The following KIAA1217 variants were observed in gnomAD, a reference collection of about 807,000 sequenced individuals.
KIAA1217 encodes KIAA1217.
KIAA1217 carries 88 observed loss-of-function variants against 163.9 expected under a neutral mutation model. The observed-to-expected ratio is 0.54, with a 90% CI of 0.45 to 0.64. The LOEUF (loss-of-function observed/expected upper bound fraction) is 0.64. KIAA1217 is among the 30% of genes least tolerant of loss of function. KIAA1217 has a pLI of 0.00. For synonymous variants in KIAA1217, 903 were observed against 923.1 expected (o/e 0.98, Z 0.39); for missense variants, 2,372 against 2,475.0 (o/e 0.96, Z 0.88).
intron 6 of KIAA1217, among the ~76,000 whole-genome samples, chr10:24,490,464 G>A (rs2065967997): frequency 1.3e-5 from 2 of 152,168 alleles, no homozygotes; most frequent in South Asian, 2.1e-4. Context: ...GGAGAAGGCT[G>A]CATAAGTTTC....
At chr10:23,797,837 T>C (rs1175757367) in intron 1 of KIAA1217, among the ~76,000 whole-genome samples, 2 of 152,142 alleles carry the variant, frequency 1.3e-5, no homozygotes, top group Admixed American at 1.3e-4. Flanking sequence ...ACCATATTAT[T>C]CCATTATACC....
intron 2 of KIAA1217, among the ~76,000 whole-genome samples, chr10:24,190,251 AG>A (rs1339201773): frequency 6.6e-6 from 1 of 152,118 alleles, no homozygotes; most frequent in African/African-American, 2.4e-5. Flanking sequence ...GCTCTTAAAC[AG>A]AAAGACTGGG....
intron 9 of KIAA1217, among the ~76,000 whole-genome samples, chr10:24,511,899 CTT>C (rs1260402154): frequency 6.6e-6 from 1 of 152,162 alleles, no homozygotes; most frequent in African/African-American, 2.4e-5. Context: ...GTGCCAGACA[CTT>C]TATTTTATTG....
In KIAA1217 at chr10:24,287,189, T is replaced by C. The variant is rs139389149; in HGVS notation, c.354+67280T>C. On this transcript the variant is annotated intron_variant, in intron 2 of 20. Transcript: ENST00000376454. ...CCTCAGCCTCCCAAGTAACTGGGAT[T>C]ACAGGCATGCGCCACACGCCGAGCT... 9.5e-3 allele frequency among the ~76,000 whole-genome samples: 1,443 copies of C among 152,280 alleles called. 28 individuals are homozygous for C. Among genetic ancestry groups the C allele is most frequent in the East Asian group, 0.084 (434 of 5,158 alleles).
At chr10:23,755,419 A>C (rs1158903298) in intron 1 of KIAA1217, among the ~76,000 whole-genome samples, 1 of 152,174 alleles carries the variant, frequency 6.6e-6, no homozygotes, top group African/African-American at 2.4e-5. Flanking sequence ...AAGTCTGTTA[A>C]CCTCTGTCAT....
chr10:24,503,588 T>C (rs919550447), intron 9 of KIAA1217, among the ~76,000 whole-genome samples: 1 of 152,212 alleles, frequency 6.6e-6, no homozygotes, highest in Non-Finnish European at 1.5e-5. Flanking sequence ...CTTAACCTGA[T>C]AGAATAAGTA....
chr10:23,883,381 A>G (rs1303660008), intron 1 of KIAA1217, among the ~76,000 whole-genome samples: 1 of 151,990 alleles, frequency 6.6e-6, no homozygotes, highest in Non-Finnish European at 1.5e-5. Context: ...TCTTGCTTAA[A>G]AAAAGGAAAT....
intron 3 of KIAA1217, among the ~76,000 whole-genome samples, chr10:24,414,772 C>T (rs1283767159): frequency 6.6e-6 from 1 of 152,198 alleles, no homozygotes; most frequent in African/African-American, 2.4e-5. Flanking sequence ...TCGCCACCCT[C>T]AGACATTTGT....
chr10:24,536,985 CCT>C, intron 17 of KIAA1217, 92 bp downstream of exon 17: 1 of 1,446,568 alleles, frequency 6.9e-7, no homozygotes, highest in Non-Finnish European at 9.4e-7. Flanking sequence ...ACCTTTGTCC[CCT>C]CTGTCTTTTT....
chr10:23,845,742 A>C (rs73604424), intron 1 of KIAA1217, among the ~76,000 whole-genome samples: 53,798 of 151,844 alleles, frequency 0.35, 13,831 homozygotes, highest in African/African-American at 0.73. Flanking sequence ...TTAATTAGAT[A>C]CCATTTGTCA....
rs570391703 is a variant in KIAA1217 at position 24,234,884 on chromosome 10, G to A, written c.354+14975G>A. Among the ~76,000 whole-genome samples, 39 of 152,158 alleles carry A rather than the reference G, an allele frequency of 2.6e-4. No individual in the cohort carries two copies. The Middle Eastern group carries it at 0.01, about 40-fold the overall frequency. On this transcript the variant is annotated intron_variant, in intron 2 of 20. Coordinates refer to ENST00000376454, the MANE Select transcript of KIAA1217 (RefSeq NM_019590.5). ...CATGCTATTTAAATGCGAAACAATG[G>A]CTTGAGTTTAGGTCTTGACAAGCTG...
rs1471624364 is a variant in KIAA1217, at chr10:24,088,512, T to C, written c.-171+81138T>C. Among the ~76,000 whole-genome samples the C allele has an allele frequency of 2.8e-5, 3 of 108,034 alleles. 1 individual carries two copies. The highest frequency in any genetic ancestry group is 6.9e-5 in the Non-Finnish European group (3 of 43,794). The allele number at this position is 108,034 out of a possible 152,430, so 70.9% of individuals were successfully genotyped here. A position where few individuals can be genotyped will look rare whatever the true frequency, so the allele number is the denominator to read the frequency against. ...TTCCTGTGTCCAAGTGTTCTCATTG[T>C]TCAATTCCCACCTATGACTGAGAAC... On this transcript the variant is annotated intron_variant, in intron 2 of 18. Coordinates refer to the KIAA1217 transcript ENST00000376462.
chr10:23,824,653 AAAAAAAT>A (rs1837800012), intron 1 of KIAA1217, among the ~76,000 whole-genome samples: 88 of 108,692 alleles, frequency 8.1e-4, no homozygotes, highest in African/African-American at 3.7e-3. Context: ...AAAAAAAATA[AAAAAAAT>A]ATATATATAT....
At chr10:24,342,317 C>A (rs1390496346) in intron 2 of KIAA1217, among the ~76,000 whole-genome samples, 2 of 152,176 alleles carry the variant, frequency 1.3e-5, no homozygotes, top group Non-Finnish European at 2.9e-5. Flanking sequence ...TGGCAGCTGA[C>A]AGCAGAAACA....
In KIAA1217 at chr10:24,166,226, A is replaced by G. The variant is rs1354241916; in HGVS notation, c.-170-53400A>G. On this transcript the variant is annotated intron_variant, in intron 2 of 18. Transcript: ENST00000376462. ...TGATAAATAAATCACCTTAATAAAG[A>G]AATCACCTGTGAGATTGTTTCTGAG... Among the ~76,000 whole-genome samples the G allele has an allele frequency of 4.6e-5, 7 of 152,188 alleles. No individual in the cohort carries two copies. The East Asian group carries it at 1.4e-3, about 29-fold the overall frequency.
At chr10:24,441,055 T>C (rs1336761671) in intron 5 of KIAA1217, among the ~76,000 whole-genome samples, 1 of 152,198 alleles carries the variant, frequency 6.6e-6, no homozygotes, top group African/African-American at 2.4e-5. Flanking sequence ...CCACTGCCCA[T>C]GGTGGAGAAC....
At position 23,812,786 on chromosome 10, in the gene KIAA1217, C is replaced by T. The variant is rs80131281; in HGVS notation, c.-321+117552C>T. On this transcript the variant is annotated intron_variant, in intron 1 of 18. Coordinates refer to the KIAA1217 transcript ENST00000376462. Reference sequence around the variant, plus strand: ...CTAGATAATTTTATAGATGGAATCACGCAGTATGTGGTTTTTTGTGTGTGT... The same window carrying T: ...CTAGATAATTTTATAGATGGAATCATGCAGTATGTGGTTTTTTGTGTGTGT... 6.9e-3 allele frequency among the ~76,000 whole-genome samples: 1,055 copies of T among 152,214 alleles called. 14 individuals are homozygous for T. Among genetic ancestry groups the T allele is most frequent in the African/African-American group, 0.024 (1,007 of 41,504 alleles).
chr10:24,150,456 G>A (rs1045490978), intron 2 of KIAA1217, among the ~76,000 whole-genome samples: 1 of 152,120 alleles, frequency 6.6e-6, no homozygotes, highest in Non-Finnish European at 1.5e-5. Flanking sequence ...GTGGAGTATG[G>A]GCCAGACCAG....
intron 1 of KIAA1217, among the ~76,000 whole-genome samples, chr10:23,796,700 G>A (rs1198229182): frequency 6.6e-6 from 1 of 151,990 alleles, no homozygotes; most frequent in African/African-American, 2.4e-5. Context: ...TATCCTGGAG[G>A]GTAGAGCAGC....
Sources: allele counts gnomAD v4.1 joint callset (sites outside exome capture counted in the v4.1 genomes callset), GRCh38; gene constraint gnomAD v4.1.1; transcripts MANE v1.5; gene names NCBI Gene and HGNC (gene_info 2026-07-23, HGNC 2026-07-21).